ATM: variants seen among roughly 807,000 people sequenced by gnomAD.
ATM encodes the protein serine-protein kinase ATM.
ATM carries 308 observed loss-of-function variants against 387.0 expected under a neutral mutation model. The observed-to-expected ratio is 0.80, with a 90% CI of 0.73 to 0.87. ATM has a LOEUF of 0.87. Ranked by LOEUF, ATM falls within the 40% of genes least tolerant of loss-of-function variation. The pLI, the probability that ATM is intolerant of heterozygous loss-of-function variation, is 0.00. For missense variants in ATM, 3,312 were observed against 3,560.9 expected (o/e 0.93, Z 1.78); for synonymous variants, 1,156 against 1,187.3 (o/e 0.97, Z 0.54).
At chr11:108,267,866 A>T (rs537640142) in intron 17 of ATM, among the ~76,000 whole-genome samples, 1 of 152,364 alleles carries the variant, frequency 6.6e-6, no homozygotes, top group African/African-American at 2.4e-5. Context: ...TCAAAAAAAG[A>T]AATAAAATCA....
At chr11:108,274,790 T>G (rs1252220311) in intron 22 of ATM, among the ~76,000 whole-genome samples, 1 of 152,218 alleles carries the variant, frequency 6.6e-6, no homozygotes, top group Non-Finnish European at 1.5e-5. Flanking sequence ...TTCAATTATG[T>G]GGTCAGTTTT....
intron 59 of ATM, among the ~76,000 whole-genome samples, chr11:108,351,739 T>A (rs2089223988): frequency 6.6e-6 from 1 of 152,250 alleles, no homozygotes; most frequent in African/African-American, 2.4e-5. Context: ...TTCCATCACA[T>A]TATGTCATCA....
chr11:108,357,393 T>A (rs2137476170), intron 61 of ATM, among the ~76,000 whole-genome samples: 1 of 152,264 alleles, frequency 6.6e-6, no homozygotes, highest in Admixed American at 6.5e-5. Context: ...TGCCCAGGCT[T>A]GATTAGGTAA....
chr11:108,293,005 T>G (rs944798445), intron 30 of ATM, among the ~76,000 whole-genome samples: 4 of 152,214 alleles, frequency 2.6e-5, no homozygotes, highest in Non-Finnish European at 1.5e-5. Flanking sequence ...TGTGCTGAAG[T>G]AGAGAGGTAG....
At position 108,227,789 on chromosome 11, in the gene ATM, A is replaced by G. The variant is rs147009251; in HGVS notation, c.86A>G (p.Lys29Arg). ...RATERKKEVE[K>R]FKRLIRDPET... is the part of the protein sequence containing the mutation. The stretch of plus-strand genomic sequence containing the variant: ...TTTTATTTTCAGAAAGAAGTTGAGA[A>G]ATTTAAGCGCCTGATTCGAGATCCT... Residue 29 changes from lysine to arginine, a missense_variant, in exon 3 of 63, where the codon AAA (lysine) becomes AGA (arginine). Transcript: ENST00000675843. 6.2e-7 allele frequency: 1 copy of G among 1,613,762 alleles called. No homozygotes were observed. Among genetic ancestry groups the G allele is most frequent in the Non-Finnish European group, 8.5e-7 (1 of 1,179,832 alleles).
chr11:108,358,348 G>A (rs1456980819), intron 61 of ATM, among the ~76,000 whole-genome samples: 1 of 143,838 alleles, frequency 7.0e-6, no homozygotes, highest in Non-Finnish European at 1.5e-5. Context: ...TGGGGAGAAT[G>A]GAACCAAGTT....
intron 26 of ATM, 37 bp downstream of exon 26, chr11:108,284,510 A>T (rs1387721064): frequency 5.0e-6 from 8 of 1,610,552 alleles, no homozygotes; most frequent in African/African-American, 4.0e-5. Flanking sequence ...TCATTCCCTG[A>T]ATGATATGAG....
intron 9 of ATM, among the ~76,000 whole-genome samples, chr11:108,249,539 A>G (rs574804025): frequency 4.6e-5 from 7 of 152,332 alleles, no homozygotes; most frequent in Admixed American, 4.6e-4. Context: ...CTTATTTTCT[A>G]TCTTCTTTAT....
intron 5 of ATM, among the ~76,000 whole-genome samples, chr11:108,237,087 C>T (rs2079315954): frequency 6.6e-6 from 1 of 152,044 alleles, no homozygotes; most frequent in South Asian, 2.1e-4. Context: ...ACATGTGAAC[C>T]ACAAAACTAC....
intron 9 of ATM, 55 bp downstream of exon 9, chr11:108,249,157 T>C (rs2080006877): frequency 6.2e-7 from 1 of 1,601,222 alleles, no homozygotes; most frequent in Non-Finnish European, 8.5e-7. Context: ...GTATGTTATT[T>C]TTCAGAAAAC....
At chr11:108,310,044 G>A in intron 38 of ATM, 116 bp from the exon 39 acceptor site, 1 of 1,086,016 alleles carries the variant, frequency 9.2e-7, no homozygotes, top group South Asian at 1.5e-5. Flanking sequence ...TGTGGTTTTT[G>A]GGAATTTGTA....
chr11:108,365,243 TG>T (rs1305028491), intron 62 of ATM, 25 bp downstream of exon 62: 1 of 1,614,234 alleles, frequency 6.2e-7, no homozygotes. Context: ...AAGAAGGTCC[TG>T]TTGTCAGTTT....
At chr11:108,331,581 C>T (rs1161423460) in intron 51 of ATM, 24 bp downstream of exon 51, 1 of 1,583,088 alleles carries the variant, frequency 6.3e-7, no homozygotes, top group Non-Finnish European at 8.6e-7. Flanking sequence ...AAAATCAAAC[C>T]ACAATAATTA....
At chr11:108,321,498 A>C in intron 45 of ATM, 78 bp downstream of exon 45, 1 of 1,597,816 alleles carries the variant, frequency 6.3e-7, no homozygotes. Flanking sequence ...AATAAAAACT[A>C]TAGGCCGGGC....
At chr11:108,234,961 C>G (rs1591472014) in intron 4 of ATM, among the ~76,000 whole-genome samples, 1 of 152,084 alleles carries the variant, frequency 6.6e-6, no homozygotes, top group African/African-American at 2.4e-5. Context: ...CTAATAAATT[C>G]ATTCTTCATA....
rs1313482346 is a variant in ATM, at chr11:108,257,561, A to G, written c.2331A>G (p.Arg777=). 1.2e-6 allele frequency: 2 copies of G among 1,613,976 alleles called. No homozygotes were observed. The highest frequency in any genetic ancestry group is 2.2e-5 in the East Asian group (1 of 44,888). The part of the protein sequence containing the change: ...TNEEFRIGSL[R]NMMQLCTRCL... Reference sequence around the variant, plus strand: ...AGGAATTCAGAATTGGTTCCTTGAGAAATATGATGCAGCTATGTACACGTT... The same window carrying G: ...AGGAATTCAGAATTGGTTCCTTGAGGAATATGATGCAGCTATGTACACGTT... Residue 777 remains arginine (R), a synonymous_variant, in exon 15 of 63, where the codon AGA becomes AGG. Transcript: ENST00000675843.
chr11:108,229,603 C>A, intron 4 of ATM: 1 of 296,184 alleles, frequency 3.4e-6, no homozygotes. Flanking sequence ...CTCAGGCCAG[C>A]CTGATTTTTA....
chr11:108,289,761 C>T lies in ATM; in HGVS notation c.4396C>T (p.Arg1466Ter), dbSNP rs730881369. 8 of 1,613,400 alleles carry T rather than the reference C, an allele frequency of 5.0e-6. No homozygotes were observed. The highest frequency in any genetic ancestry group is 2.2e-5 in the East Asian group (1 of 44,856). ...AGGAGGAGCTTGGGCCTTTGTTCTT[C>T]GAGACGTTATTTATACTTTGATTCA... The part of the protein sequence containing the change: ...GLGGAWAFVL[R>*]DVIYTLIHYI... Residue 1466 changes from arginine (R) to a stop codon, truncating the protein, a stop_gained, in exon 29 of 63, where the codon CGA becomes TGA. Transcript: ENST00000675843. LOFTEE classifies it high-confidence loss of function.
At chr11:108,312,251 A>G (rs1414283922) in intron 39 of ATM, among the ~76,000 whole-genome samples, 160 bp from the exon 40 acceptor site, 2 of 152,168 alleles carry the variant, frequency 1.3e-5, no homozygotes, top group South Asian at 2.1e-4. Flanking sequence ...TTCCTTTTCC[A>G]TCCTAGGTAT....
Sources: gnomAD v4.1 joint callset for allele counts (sites outside exome capture counted in the v4.1 genomes callset) on GRCh38, gnomAD v4.1.1 for gene constraint, MANE v1.5 for transcripts, NCBI Gene and HGNC (gene_info 2026-07-23, HGNC 2026-07-21) for gene names.